REST: variants seen among roughly 807,000 people sequenced by gnomAD.
The protein encoded by REST is RE1 silencing transcription factor, also known as RE1-silencing transcription factor.
REST carries 1 observed loss-of-function variant against 30.4 expected under a neutral mutation model. That is an observed-to-expected ratio of 0.03 (90% confidence interval 0.01 to 0.16). The LOEUF is 0.16. Ranked by LOEUF, REST falls within the 10% of genes least tolerant of loss-of-function variation. The probability of loss-of-function intolerance (pLI) is 1.00; values close to 1 mark genes in which losing one functional copy is unlikely to be tolerated. For synonymous variants in REST, 504 were observed against 451.1 expected (o/e 1.12, Z -1.49); for missense variants, 1,259 against 1,329.5 (o/e 0.95, Z 0.82).
intron 3 of REST, among the ~76,000 whole-genome samples, chr4:56,921,070 T>C (rs1311594468): frequency 6.6e-6 from 1 of 152,074 alleles, no homozygotes; most frequent in African/African-American, 2.4e-5. Context: ...TTCACCATGT[T>C]GGTCAGGCTG....
chr4:56,915,525 A>G, intron 2 of REST, among the ~76,000 whole-genome samples: 2 of 151,672 alleles, frequency 1.3e-5, no homozygotes, highest in East Asian at 1.9e-4. Context: ...TGGAATTACA[A>G]GCGTGAGCCA....
intron 3 of REST, among the ~76,000 whole-genome samples, 183 bp from the exon 4 acceptor site, chr4:56,929,658 C>T (rs1251792275): frequency 6.6e-6 from 1 of 152,174 alleles, no homozygotes; most frequent in Non-Finnish European, 1.5e-5. Flanking sequence ...ATTTATTCCT[C>T]TCTTTTGAGA....
chr4:56,923,192 G>A (rs1406705667), intron 3 of REST, among the ~76,000 whole-genome samples: 1 of 152,212 alleles, frequency 6.6e-6, no homozygotes, highest in Admixed American at 6.5e-5. Context: ...ACAAGTATTT[G>A]CTGTCTCCAG....
chr4:56,925,541 A>G (rs1720662932), intron 3 of REST, among the ~76,000 whole-genome samples: 1 of 152,148 alleles, frequency 6.6e-6, no homozygotes, highest in Non-Finnish European at 1.5e-5. Flanking sequence ...TTTGATACGT[A>G]TGTGTAAAGC....
chr4:56,918,051 C>CA (rs528213458), intron 2 of REST, among the ~76,000 whole-genome samples: 46,545 of 97,914 alleles, frequency 0.48, 8,960 homozygotes, highest in Middle Eastern at 0.54. Context: ...GACTCCGTCT[C>CA]AAAAAAAAAA....
Position 56,931,561 on chromosome 4 carries a change from G to A in REST, c.2703G>A (p.Glu901=). ...CTCTTCAGAAAGTAGGAGCAGAAGA[G>A]GCAGATGAGAGCCTACCTGGTCTTG... ...EAPLQKVGAE[E]ADESLPGLAA... The change falls in exon 4 of 4, where the codon GAG becomes GAA. Residue 901 remains glutamate, a synonymous_variant. Coordinates refer to ENST00000309042, the MANE Select transcript of REST (RefSeq NM_005612.5). 1 of 1,614,204 alleles carries A rather than the reference G, an allele frequency of 6.2e-7. No homozygotes were observed. The highest frequency in any genetic ancestry group is 8.5e-7 in the Non-Finnish European group (1 of 1,180,034).
At chr4:56,917,654 CTG>C (rs1720262007) in intron 2 of REST, among the ~76,000 whole-genome samples, 1 of 152,186 alleles carries the variant, frequency 6.6e-6, no homozygotes, top group African/African-American at 2.4e-5. Flanking sequence ...AATGAAGATT[CTG>C]TTACTTTTAC....
chr4:56,932,516 TA>T lies in REST; in HGVS notation c.*370del, dbSNP rs1248631961. On this transcript the variant is annotated 3_prime_UTR_variant, in exon 4 of 4. Coordinates refer to ENST00000309042, the MANE Select transcript of REST (RefSeq NM_005612.5). ...ATTCTTCGTTTTTTATTGAGATCTA[TA>T]AAAAATTGGCTTACTTAATAGCAAA... The T allele has an allele frequency of 6.2e-6, 1 of 161,702 alleles. No individual in the cohort carries two copies. The highest frequency in any genetic ancestry group is 2.4e-5 in the African/African-American group (1 of 41,792). The allele number at this position is 161,702 out of a possible 1,614,324, so 10.0% of individuals were successfully genotyped here.
chr4:56,921,234 C>T (rs1720437695), intron 3 of REST, among the ~76,000 whole-genome samples: 1 of 152,134 alleles, frequency 6.6e-6, no homozygotes, highest in African/African-American at 2.4e-5. Flanking sequence ...TTAAATCTTG[C>T]TGTTACAAAA....
intron 3 of REST, among the ~76,000 whole-genome samples, chr4:56,929,039 C>T (rs374113039): frequency 2.3e-4 from 35 of 151,848 alleles, no homozygotes; most frequent in African/African-American, 8.5e-4. Flanking sequence ...GCTAGGACTA[C>T]AGGTGCACTC....
Position 56,928,673 on chromosome 4 carries a change from C to T in REST, c.983-1168C>T, listed in dbSNP as rs189562511. On this transcript the variant is annotated intron_variant, in intron 3 of 3. Transcript: ENST00000309042. ...GGATCTCAGCTGACTGCAACCTCCG[C>T]CTCCTGAGTTAAAGCAATTCTCGTG... is the stretch of plus-strand genomic sequence containing the variant. Among the ~76,000 whole-genome samples the T allele has an allele frequency of 4.8e-3, 729 of 152,054 alleles. 24 individuals carry two copies. The highest frequency in any genetic ancestry group is 0.042 in the Admixed American group (644 of 15,252).
In REST at chr4:56,911,554, G is replaced by C; in HGVS notation, c.898+18G>C. 6.3e-7 allele frequency: 1 copy of C among 1,590,410 alleles called. No homozygotes were observed. The highest frequency in any genetic ancestry group is 8.6e-7 in the Non-Finnish European group (1 of 1,163,238). On this transcript the variant is annotated intron_variant, in intron 2 of 3. Transcript: ENST00000309042. The stretch of plus-strand genomic sequence containing the variant: ...TCATACAGGTAAGAGAAGCTTTCTA[G>C]TCCATAAGTTCAGTTCTCTTTTCTG...
At position 56,929,932 on chromosome 4, in the gene REST, T is replaced by C; in HGVS notation, c.1074T>C (p.Pro358=). 6.2e-7 allele frequency: 1 copy of C among 1,614,162 alleles called. No homozygotes were observed. Among genetic ancestry groups the C allele is most frequent in the South Asian group, 1.1e-5 (1 of 91,084 alleles). ...TRHARQVHNG[P]KPLNCPHCDY... is the part of the protein sequence containing the mutation. ...ATGCAAGACAGGTTCACAATGGGCC[T>C]AAACCTCTTAATTGCCCACACTGTG... The change falls in exon 4 of 4, where the codon CCT becomes CCC. Residue 358 remains proline (P), a synonymous_variant. Coordinates refer to ENST00000309042, the MANE Select transcript of REST (RefSeq NM_005612.5).
intron 2 of REST, among the ~76,000 whole-genome samples, chr4:56,915,567 A>G (rs903039279): frequency 6.6e-6 from 1 of 152,106 alleles, no homozygotes; most frequent in African/African-American, 2.4e-5. Flanking sequence ...TTTTAAAACA[A>G]TTTGGTGATG....
In REST at chr4:56,930,397, C is replaced by G; in HGVS notation, c.1539C>G (p.Phe513Leu). 6.2e-7 allele frequency: 1 copy of G among 1,613,824 alleles called. No individual in the cohort carries two copies. Among genetic ancestry groups the G allele is most frequent in the Non-Finnish European group, 8.5e-7 (1 of 1,179,976 alleles). Residue 513 changes from phenylalanine (F) to leucine (L), a missense_variant, in exon 4 of 4, where the codon TTC becomes TTG. This residue lies in a region of REST where 856 missense variants were observed against 772.8 expected (regional missense o/e 1.11). Coordinates refer to ENST00000309042, the MANE Select transcript of REST (RefSeq NM_005612.5). Reference sequence around the variant, plus strand: ...ATACAGGAAGCAATTCAGAAAAATTCAGTAAAACTAAGAAAAGCAAAAGGA... The same window carrying G: ...ATACAGGAAGCAATTCAGAAAAATTGAGTAAAACTAAGAAAAGCAAAAGGA... ...DVHTGSNSEK[F>L]SKTKKSKRKL...
intron 3 of REST, among the ~76,000 whole-genome samples, chr4:56,921,681 A>G (rs898007917): frequency 6.6e-6 from 1 of 152,196 alleles, no homozygotes; most frequent in African/African-American, 2.4e-5. Context: ...AAGTGCTGGG[A>G]TTACAGGTGT....
chr4:56,908,619 C>T (rs1719735052), intron 1 of REST, among the ~76,000 whole-genome samples: 1 of 152,108 alleles, frequency 6.6e-6, no homozygotes, highest in Non-Finnish European at 1.5e-5. Flanking sequence ...AGCCCCGCGC[C>T]GGCCCGCGGC....
rs908698864 is a variant in REST, at chr4:56,930,882, T to C, written c.2024T>C (p.Met675Thr). The part of the protein sequence containing the change: ...ELLPPVEPAQ[M>T]VGAQIVLAHM... The stretch of plus-strand genomic sequence containing the variant: ...CTGCCTCCCGTGGAGCCTGCTCAGA[T>C]GGTGGGTGCCCAAATTGTACTTGCT... The change falls in exon 4 of 4, where the codon ATG becomes ACG. Residue 675 changes from methionine (M) to threonine (T), a missense_variant. Met to Thr is a moderately conservative substitution (Grantham distance 81). Coordinates refer to ENST00000309042, the MANE Select transcript of REST (RefSeq NM_005612.5). 5 of 1,612,964 alleles carry C rather than the reference T, an allele frequency of 3.1e-6. No individual in the cohort carries two copies. The highest frequency in any genetic ancestry group is 1.6e-4 in the Middle Eastern group (1 of 6,072).
chr4:56,930,437 A>G lies in REST; in HGVS notation c.1579A>G (p.Ser527Gly), dbSNP rs1427457994. The G allele has an allele frequency of 4.3e-6, 7 of 1,613,942 alleles. No homozygotes were observed. The highest frequency in any genetic ancestry group is 3.4e-6 in the Non-Finnish European group (4 of 1,180,028). ...AAGCAAAAGGAAGCTGGAAGTTGAC[A>G]GCCATTCTTTACATGGTCCTGTGAA... ...KKSKRKLEVD[S>G]HSLHGPVNDE... The change falls in exon 4 of 4, where the codon AGC becomes GGC. Residue 527 changes from serine to glycine, a missense_variant. Physicochemically the swap from Ser to Gly is moderately conservative, Grantham distance 56. Around this residue, in one of 5 missense-constraint regions of REST, gnomAD observed 856 missense variants for 772.8 expected, o/e 1.11. Coordinates refer to ENST00000309042, the MANE Select transcript of REST (RefSeq NM_005612.5).
Sources: allele counts gnomAD v4.1 joint callset (sites outside exome capture counted in the v4.1 genomes callset), GRCh38; gene constraint gnomAD v4.1.1; regional missense constraint gnomAD v4.1.1; transcripts MANE v1.5; gene names NCBI Gene and HGNC (gene_info 2026-07-23, HGNC 2026-07-21).